Variants in POLR3E observed in about 807,000 individuals in gnomAD.
POLR3E encodes the protein DNA-directed RNA polymerase III subunit RPC5.
In POLR3E, 41 loss-of-function variants were observed where a neutral mutation model predicts 96.6. The ratio of observed to expected loss-of-function variants is 0.42; its 90% CI spans 0.33 to 0.55. POLR3E has a LOEUF of 0.55. Among genes scored for constraint, POLR3E ranks in the 20% least tolerant of loss-of-function variants. The pLI, the probability that POLR3E is intolerant of heterozygous loss-of-function variation, is 0.06. For missense variants in POLR3E, 849 were observed against 952.1 expected, an observed-to-expected ratio of 0.89 and a Z score of 1.43; for synonymous variants, 396 against 383.6, an observed-to-expected ratio of 1.03 and a Z score of -0.38.
In POLR3E at chr16:22,334,239, A is replaced by G. The variant is rs2048804904; in HGVS notation, c.*539A>G. On this transcript the variant is annotated 3_prime_UTR_variant, in exon 21 of 21. Coordinates refer to ENST00000299853, the MANE Select transcript of POLR3E (RefSeq NM_018119.4). ...TTCTGTGGCCACTTCACCTTTGACA[A>G]CAACCTACTTTATGTAGCAGTCTCA... The G allele has an allele frequency of 6.6e-6, 1 of 152,386 alleles. No homozygotes were observed. The highest frequency in any genetic ancestry group is 1.5e-5 in the Non-Finnish European group (1 of 68,168). 9.4% of individuals were successfully genotyped at this position (152,386 alleles called of 1,614,324 possible).
intron 19 of POLR3E, among the ~76,000 whole-genome samples, chr16:22,330,255 C>T (rs1156236741): frequency 4.6e-5 from 7 of 151,708 alleles, no homozygotes; most frequent in East Asian, 1.9e-4. Flanking sequence ...GTAGAGATCG[C>T]GGTGGTAGGG....
rs540955609 is a variant in POLR3E, at chr16:22,313,497, G to A, written c.365-123G>A. ...GTGGTCCCAAGACTCTAGGATTGGG[G>A]GCTGCAGCGGGAATGGGAGGCGGTT... On this transcript the variant is annotated intron_variant, in intron 6 of 20. Transcript: ENST00000299853. This position sits in a 1 kb window ranked among gnomAD's most constrained non-coding sequence, Gnocchi z 4.1. The A allele has an allele frequency of 9.5e-5, 62 of 652,740 alleles. No individual in the cohort carries two copies. Among genetic ancestry groups the A allele is most frequent in the African/African-American group, 7.9e-4 (44 of 55,410 alleles). The allele number at this position is 652,740 out of a possible 1,614,324, so 40.4% of individuals were successfully genotyped here. A position where few individuals can be genotyped will look rare whatever the true frequency, so the allele number is the denominator to read the frequency against.
chr16:22,315,243 C>T (rs368981125), intron 9 of POLR3E, 35 bp downstream of exon 9: 24 of 1,555,298 alleles, frequency 1.5e-5, no homozygotes, highest in Admixed American at 1.4e-4. Context: ...GGGGGAAACA[C>T]CTCGGTGCCC....
In POLR3E at chr16:22,317,019, A is replaced by T. The variant is rs1441905966; in HGVS notation, c.753A>T (p.Pro251=). The T allele has an allele frequency of 1.2e-6, 2 of 1,614,062 alleles. No individual in the cohort carries two copies. Among genetic ancestry groups the T allele is most frequent in the South Asian group, 2.2e-5 (2 of 91,078 alleles). The change falls in exon 11 of 21, where the codon CCA becomes CCT. Residue 251 remains proline, a synonymous_variant. Transcript: ENST00000299853. ...GTGAGTACCTGATGATGCTGATGCC[A>T]CCCAGCCAGGAGGAGGAGAAGTGAG... ...SPSEYLMMLM[P]PSQEEEKDKP... is the part of the protein sequence containing the mutation.
At chr16:22,298,638 G>A (rs950946517) in intron 1 of POLR3E, among the ~76,000 whole-genome samples, 1 of 152,140 alleles carries the variant, frequency 6.6e-6, no homozygotes, top group Non-Finnish European at 1.5e-5. Context: ...AGAAAACCGT[G>A]CAGTATAGTG....
At chr16:22,302,371 T>A (rs994396310) in intron 1 of POLR3E, 1 of 152,872 alleles carries the variant, frequency 6.5e-6, no homozygotes, top group Non-Finnish European at 1.5e-5. Flanking sequence ...CCACACCTCA[T>A]AGGGTCATTG....
chr16:22,333,228 G>C (rs1020954959), intron 20 of POLR3E, among the ~76,000 whole-genome samples: 1 of 151,086 alleles, frequency 6.6e-6, no homozygotes, highest in African/African-American at 2.4e-5. Context: ...TGAGGTGGGT[G>C]GGTCACTTGA....
intron 2 of POLR3E, among the ~76,000 whole-genome samples, chr16:22,304,801 G>A (rs2048100775): frequency 6.6e-6 from 1 of 152,196 alleles, no homozygotes; most frequent in Non-Finnish European, 1.5e-5. Flanking sequence ...CACAGGCCTA[G>A]GTGAGCCCTC....
At chr16:22,297,592 G>A (rs1490485135) in intron 1 of POLR3E, 55 bp downstream of exon 1, 1 of 152,466 alleles carries the variant, frequency 6.6e-6, no homozygotes, top group East Asian at 1.9e-4. Context: ...CCGCACTCAC[G>A]ACGTGGGCCT....
intron 4 of POLR3E, chr16:22,308,433 G>A: frequency 1.7e-6 from 1 of 572,198 alleles, no homozygotes; most frequent in Non-Finnish European, 3.2e-6. Flanking sequence ...GCTGATGAAT[G>A]AGAGAATGGG....
Position 22,313,548 on chromosome 16 carries a change from G to C in POLR3E, c.365-72G>C. 1 of 939,650 alleles carries C rather than the reference G, an allele frequency of 1.1e-6. No homozygotes were observed. 58.2% of individuals were successfully genotyped at this position (939,650 alleles called of 1,614,324 possible). ...TGATGGTGGGCCTAGGCCTTCACGG[G>C]ACTTGGTGACTCTCTTGAGCCAAAC... On this transcript the variant is annotated intron_variant, in intron 6 of 20. Transcript: ENST00000299853. This position sits in a 1 kb window ranked among gnomAD's most constrained non-coding sequence, Gnocchi z 4.1.
At chr16:22,308,766 C>T (rs915481777) in intron 4 of POLR3E, among the ~76,000 whole-genome samples, 159 bp from the exon 5 acceptor site, 12 of 152,114 alleles carry the variant, frequency 7.9e-5, no homozygotes, top group African/African-American at 2.9e-4. Flanking sequence ...GTTTGTGACC[C>T]TTGGTGTGGA....
chr16:22,317,618 C>T (rs984809887), intron 12 of POLR3E, among the ~76,000 whole-genome samples: 10 of 150,696 alleles, frequency 6.6e-5, no homozygotes, highest in East Asian at 1.9e-4. Flanking sequence ...GCCTTGCAGG[C>T]GAACACGGAC....
intron 2 of POLR3E, among the ~76,000 whole-genome samples, chr16:22,304,583 G>A (rs2048095808): frequency 6.6e-6 from 1 of 152,164 alleles, no homozygotes; most frequent in Non-Finnish European, 1.5e-5. Flanking sequence ...ATAGGGAAAA[G>A]CATGTGCAAA....
chr16:22,316,580 C>T, intron 9 of POLR3E, 21 bp from the exon 10 acceptor site: 2 of 1,603,272 alleles, frequency 1.2e-6, no homozygotes, highest in Non-Finnish European at 1.7e-6. Context: ...GCTCCTCTCA[C>T]ACCCTGCCCT....
chr16:22,317,672 T>G (rs1337438768), intron 12 of POLR3E, among the ~76,000 whole-genome samples: 27 of 152,048 alleles, frequency 1.8e-4, no homozygotes, highest in African/African-American at 6.0e-4. Context: ...GTTGTTTTTT[T>G]TTTTAAGGTT....
chr16:22,328,019 G>T (rs150802423), intron 18 of POLR3E: 19 of 157,938 alleles, frequency 1.2e-4, no homozygotes, highest in African/African-American at 3.8e-4. Context: ...GATTGCTTGG[G>T]AGTCAGGCAG....
At chr16:22,309,171 G>T (rs948449818) in intron 5 of POLR3E, 131 bp downstream of exon 5, 8 of 687,348 alleles carry the variant, frequency 1.2e-5, no homozygotes, top group Middle Eastern at 2.4e-4. Flanking sequence ...TTGGAGGGCT[G>T]GGCCTGTCTC....
intron 2 of POLR3E, 29 bp downstream of exon 2, chr16:22,303,033 C>T (rs200785701): frequency 2.5e-4 from 398 of 1,606,698 alleles, no homozygotes; most frequent in Non-Finnish European, 3.2e-4. Flanking sequence ...CCCCTGCCGC[C>T]GGGGCTACAG....
Sources: gnomAD v4.1 joint callset for allele counts (sites outside exome capture counted in the v4.1 genomes callset) on GRCh38, gnomAD v4.1.1 for gene constraint, Gnocchi (gnomAD v3.1) non-coding constraint, MANE v1.5 for transcripts, NCBI Gene and HGNC (gene_info 2026-07-23, HGNC 2026-07-21) for gene names.